The following GTPBP2 variants were observed in gnomAD, a reference collection of about 807,000 sequenced individuals.
GTPBP2 encodes GTP binding protein 2, also known as GTP-binding protein 2.
GTPBP2 carries 32 observed loss-of-function variants against 63.0 expected under a neutral mutation model. The ratio of observed to expected loss-of-function variants is 0.51; its 90% CI spans 0.38 to 0.68. GTPBP2 has a LOEUF of 0.68. GTPBP2 is among the 30% of genes least tolerant of loss of function. The probability of loss-of-function intolerance (pLI) is 0.00; values close to 1 mark genes in which losing one functional copy is unlikely to be tolerated. For missense variants in GTPBP2, 492 were observed against 796.9 expected, an observed-to-expected ratio of 0.62 and a Z score of 4.61; for synonymous variants, 310 against 322.6, an observed-to-expected ratio of 0.96 and a Z score of 0.42.
Position 43,621,698 on chromosome 6 carries a change from C to T in GTPBP2, c.1725G>A (p.Arg575=). ...YLKVGAKLLF[R]EGVTKGIGHV... ...GGCCGATGCCCTTGGTGACACCCTC[C>T]CGGAACAGCAGTTTGGCGCCCACCT... The change falls in exon 12 of 12, where the codon CGG becomes CGA. Residue 575 remains arginine (R), a synonymous_variant. Transcript: ENST00000307126. 1 of 1,614,216 alleles carries T rather than the reference C, an allele frequency of 6.2e-7. No homozygotes were observed. Among genetic ancestry groups the T allele is most frequent in the Non-Finnish European group, 8.5e-7 (1 of 1,180,044 alleles).
chr6:43,621,886 T>A (rs754645630), intron 11 of GTPBP2, 96 bp from the exon 12 acceptor site: 6 of 1,602,326 alleles, frequency 3.7e-6, no homozygotes, highest in Non-Finnish European at 2.6e-6. Flanking sequence ...ATCAGGCCGC[T>A]ACCCACCCTA....
rs1209278244 is a variant in GTPBP2, at chr6:43,624,633, A to C, written c.977T>G (p.Val326Gly). The change falls in exon 7 of 12, where the codon GTG (valine) becomes GGG (glycine). Residue 326 changes from valine (V) to glycine (G), a missense_variant. This residue lies in a region of GTPBP2 where 400 missense variants were observed against 710.8 expected (regional missense o/e 0.56). Transcript: ENST00000307126. This position sits in a 1 kb window ranked among gnomAD's most constrained non-coding sequence, Gnocchi z 5.1. ...SKIDLCAKTT[V>G]ERTVRQLERV... ...CTCCAGCTGGCGTACTGTCCTCTCC[A>C]CTGTGGTCTTGGCACATAGGTCGAT... is the stretch of plus-strand genomic sequence containing the variant. The C allele has an allele frequency of 8.7e-6, 14 of 1,614,076 alleles. No individual in the cohort carries two copies. The highest frequency in any genetic ancestry group is 1.3e-5 in the African/African-American group (1 of 75,026).
In GTPBP2 at chr6:43,624,756, G is replaced by A; in HGVS notation, c.881-27C>T. Reference sequence around the variant, plus strand: ...TGCCTCATAAGGACAGCAAGCAGCAGGAGAGAAGAGTGAGAATGCAGGAGG... The same window carrying A: ...TGCCTCATAAGGACAGCAAGCAGCAAGAGAGAAGAGTGAGAATGCAGGAGG... On this transcript the variant is annotated intron_variant, in intron 6 of 11. Coordinates refer to ENST00000307126, the MANE Select transcript of GTPBP2 (RefSeq NM_019096.5). The surrounding 1 kb of genome is among the most constrained non-coding windows in gnomAD (Gnocchi z 5.1). 5 of 1,605,772 alleles carry A rather than the reference G, an allele frequency of 3.1e-6. No individual in the cohort carries two copies. The highest frequency in any genetic ancestry group is 4.3e-6 in the Non-Finnish European group (5 of 1,173,066).
Position 43,622,620 on chromosome 6 carries a change from GC to G in GTPBP2, c.1467+12del, listed in dbSNP as rs1250759693. The G allele has an allele frequency of 6.2e-7, 1 of 1,604,990 alleles. No homozygotes were observed. Among genetic ancestry groups the G allele is most frequent in the Admixed American group, 1.7e-5 (1 of 59,800 alleles). ...TCTTAGCGTTCCCTCCCCAACCCAT[GC>G]ACCCACCTCACCTTGCGAAGCAGTG... On this transcript the variant is annotated intron_variant, in intron 10 of 11. Coordinates refer to ENST00000307126, the MANE Select transcript of GTPBP2 (RefSeq NM_019096.5). This position sits in a 1 kb window ranked among gnomAD's most constrained non-coding sequence, Gnocchi z 5.4.
chr6:43,626,978 C>T lies in GTPBP2; in HGVS notation c.187-30G>A. 1 of 1,597,342 alleles carries T rather than the reference C, an allele frequency of 6.3e-7. No homozygotes were observed. Among genetic ancestry groups the T allele is most frequent in the Non-Finnish European group, 8.6e-7 (1 of 1,166,004 alleles). On this transcript the variant is annotated intron_variant, in intron 1 of 11. Coordinates refer to ENST00000307126, the MANE Select transcript of GTPBP2 (RefSeq NM_019096.5). This position sits in a 1 kb window ranked among gnomAD's most constrained non-coding sequence, Gnocchi z 4.0. The stretch of plus-strand genomic sequence containing the variant: ...AAAGAAACAGTGAGCAGTTACCATA[C>T]ACTGTACAGACCCAATCCCTACTTC...
upstream of GTPBP2, chr6:43,629,652 G>A: frequency 1.5e-6 from 2 of 1,324,436 alleles, no homozygotes; most frequent in Admixed American, 3.9e-5. Flanking sequence ...CTTTAGCGCG[G>A]ATCCTAGACA....
intron 9 of GTPBP2, 39 bp downstream of exon 9, chr6:43,623,697 TG>T (rs746682534): frequency 1.4e-6 from 2 of 1,476,854 alleles, no homozygotes; most frequent in Non-Finnish European, 1.9e-6. Flanking sequence ...AGTATATAGG[TG>T]AGGGCTGAGT....
upstream of GTPBP2, among the ~76,000 whole-genome samples, chr6:43,630,741 TAAAAAA>T (rs200805129): frequency 8.4e-6 from 1 of 118,974 alleles, no homozygotes. Context: ...AGACTCCAAC[TAAAAAA>T]AAAAAAAAAA....
rs1769099265 is a variant in GTPBP2 at position 43,624,261 on chromosome 6, AG to A, written c.1101-194del. Among the ~76,000 whole-genome samples, 1 of 152,232 alleles carries A rather than the reference AG, an allele frequency of 6.6e-6. No individual in the cohort carries two copies. Among genetic ancestry groups the A allele is most frequent in the Non-Finnish European group, 1.5e-5 (1 of 68,038 alleles). On this transcript the variant is annotated intron_variant, in intron 7 of 11. Transcript: ENST00000307126. The surrounding 1 kb of genome is among the most constrained non-coding windows in gnomAD (Gnocchi z 5.1). ...CACACAAAAAGCCCATCCGAGCCCA[AG>A]GGAAACAGCAAATGCCTGGTATAGC...
rs1582347850 is a variant in GTPBP2, at chr6:43,624,955, G to A, written c.813C>T (p.Thr271=). The change falls in exon 6 of 12, where the codon ACC becomes ACT. Residue 271 remains threonine (T), a synonymous_variant. Transcript: ENST00000307126. This position sits in a 1 kb window ranked among gnomAD's most constrained non-coding sequence, Gnocchi z 5.1. ...LAGHHKYLHT[T]IFGLTSYCPD... Reference sequence around the variant, plus strand: ...GGCAGTATGATGTGAGGCCAAAGATGGTGGTGTGTAGGTACTTATGGTGGC... The same window carrying A: ...GGCAGTATGATGTGAGGCCAAAGATAGTGGTGTGTAGGTACTTATGGTGGC... 8 of 1,613,974 alleles carry A rather than the reference G, an allele frequency of 5.0e-6. No individual in the cohort carries two copies. The highest frequency in any genetic ancestry group is 6.8e-6 in the Non-Finnish European group (8 of 1,179,978).
At position 43,621,306 on chromosome 6, in the gene GTPBP2, A is replaced by C. The variant is rs1171990439; in HGVS notation, c.*308T>G. Reference sequence around the variant, plus strand: ...TGCCCAGTCTTAGTAGTGGGGACGAAGAATTGATGAGTGGATCCAGTCAGC... The same window carrying C: ...TGCCCAGTCTTAGTAGTGGGGACGACGAATTGATGAGTGGATCCAGTCAGC... On this transcript the variant is annotated 3_prime_UTR_variant, in exon 12 of 12. Coordinates refer to ENST00000307126, the MANE Select transcript of GTPBP2 (RefSeq NM_019096.5). 2.5e-6 allele frequency: 2 copies of C among 804,700 alleles called. No homozygotes were observed. Among genetic ancestry groups the C allele is most frequent in the East Asian group, 4.2e-5 (1 of 24,062 alleles). 49.8% of individuals were successfully genotyped at this position (804,700 alleles called of 1,614,324 possible). A position where few individuals can be genotyped will look rare whatever the true frequency, so the allele number is the denominator to read the frequency against.
Position 43,622,771 on chromosome 6 carries a change from CACCA to C in GTPBP2, c.1325_1328del (p.Val442GlyfsTer12). On this transcript the variant is annotated frameshift_variant, in exon 10 of 12. Transcript: ENST00000307126. LOFTEE classifies it high-confidence loss of function. The surrounding 1 kb of genome is among the most constrained non-coding windows in gnomAD (Gnocchi z 5.4). ...GGAAGCAGCCATCATCCGTGGGGCC[CACCA>C]CCAGCTGGTCCCCCTCACGGCAAAT... The C allele has an allele frequency of 6.2e-7, 1 of 1,614,052 alleles. No individual in the cohort carries two copies. Among genetic ancestry groups the C allele is most frequent in the Non-Finnish European group, 8.5e-7 (1 of 1,179,926 alleles).
chr6:43,627,450 G>C, intron 1 of GTPBP2: 1 of 421,032 alleles, frequency 2.4e-6, no homozygotes. Flanking sequence ...GCTCAGCAAT[G>C]GTCACTACAA....
chr6:43,626,446 AG>A lies in GTPBP2; in HGVS notation c.214-37del. The A allele has an allele frequency of 6.3e-7, 1 of 1,578,872 alleles. No individual in the cohort carries two copies. Among genetic ancestry groups the A allele is most frequent in the Non-Finnish European group, 8.7e-7 (1 of 1,149,538 alleles). Reference sequence around the variant, plus strand: ...GTGGGGTATCATAAGGTGAAATCAGAGGTGTTCCTCCCAAACCTACATGGTC... The same window carrying A: ...GTGGGGTATCATAAGGTGAAATCAGAGTGTTCCTCCCAAACCTACATGGTC... On this transcript the variant is annotated intron_variant, in intron 2 of 11. Transcript: ENST00000307126. The surrounding 1 kb of genome is among the most constrained non-coding windows in gnomAD (Gnocchi z 4.0).
Position 43,622,687 on chromosome 6 carries a change from A to G in GTPBP2, c.1413T>C (p.Ala471=), listed in dbSNP as rs898798034. The change falls in exon 10 of 12, where the codon GCT becomes GCC. Residue 471 remains alanine, a synonymous_variant. Coordinates refer to ENST00000307126, the MANE Select transcript of GTPBP2 (RefSeq NM_019096.5). This position sits in a 1 kb window ranked among gnomAD's most constrained non-coding sequence, Gnocchi z 5.4. The stretch of plus-strand genomic sequence containing the variant: ...CAAGCGCCAGTGTAGCAGCCTGACC[A>G]GCTCGCAGCACACGACAGGCAGAGC... ...RNRSACRVLR[A]GQAATLALGD... 11 of 1,614,018 alleles carry G rather than the reference A, an allele frequency of 6.8e-6. No homozygotes were observed. The highest frequency in any genetic ancestry group is 8.5e-6 in the Non-Finnish European group (10 of 1,179,990).
Position 43,624,482 on chromosome 6 carries a change from T to C in GTPBP2, c.1100+28A>G. On this transcript the variant is annotated intron_variant, in intron 7 of 11. Transcript: ENST00000307126. The surrounding 1 kb of genome is among the most constrained non-coding windows in gnomAD (Gnocchi z 5.1). ...GCTCTGTGGCAGCCTTCCTAGTGGA[T>C]CAGGGCTTTAGAGTAAGGTGGGCTT... 6.5e-7 allele frequency: 1 copy of C among 1,537,670 alleles called. No individual in the cohort carries two copies. Among genetic ancestry groups the C allele is most frequent in the Non-Finnish European group, 9.0e-7 (1 of 1,115,670 alleles).
rs1342622223 is a variant in GTPBP2 at position 43,622,814 on chromosome 6, A to G, written c.1296-10T>C. ...CTCACGGCAAATCCCACTGCAGCCC[A>G]GAGGGCAGGTGGCACAGTGTCAGCC... On this transcript the variant is annotated splice_polypyrimidine_tract_variant and intron_variant, in intron 9 of 11. Transcript: ENST00000307126. This position sits in a 1 kb window ranked among gnomAD's most constrained non-coding sequence, Gnocchi z 5.4. 1.2e-5 allele frequency: 19 copies of G among 1,607,786 alleles called. No homozygotes were observed. Among genetic ancestry groups the G allele is most frequent in the Non-Finnish European group, 1.5e-5 (18 of 1,176,028 alleles).
chr6:43,625,322 C>T lies in GTPBP2; in HGVS notation c.705+41G>A, dbSNP rs756568462. 1.3e-6 allele frequency: 2 copies of T among 1,574,270 alleles called. No individual in the cohort carries two copies. Among genetic ancestry groups the T allele is most frequent in the East Asian group, 2.2e-5 (1 of 44,700 alleles). ...TGTCCTTCACTACTACCATCCCATC[C>T]TCAGAGTCTGGCCCCATTGGGTCCC... On this transcript the variant is annotated intron_variant, in intron 5 of 11. Transcript: ENST00000307126. This position sits in a 1 kb window ranked among gnomAD's most constrained non-coding sequence, Gnocchi z 5.1.
rs556124309 is a variant in GTPBP2, at chr6:43,625,181, A to T, written c.706-119T>A. Reference sequence around the variant, plus strand: ...CCTCTTAATCTTGACCCCATTTTTTATTTAATTTAGTTGATTCCCCATTGA... The same window carrying T: ...CCTCTTAATCTTGACCCCATTTTTTTTTTAATTTAGTTGATTCCCCATTGA... On this transcript the variant is annotated intron_variant, in intron 5 of 11. Coordinates refer to ENST00000307126, the MANE Select transcript of GTPBP2 (RefSeq NM_019096.5). This position sits in a 1 kb window ranked among gnomAD's most constrained non-coding sequence, Gnocchi z 5.1. The T allele has an allele frequency of 2.4e-5, 27 of 1,105,982 alleles. No homozygotes were observed. Among genetic ancestry groups the T allele is most frequent in the Middle Eastern group, 4.1e-4 (2 of 4,824 alleles). 68.5% of individuals were successfully genotyped at this position (1,105,982 alleles called of 1,614,324 possible).
Sources: allele counts gnomAD v4.1 joint callset (sites outside exome capture counted in the v4.1 genomes callset), GRCh38; gene constraint gnomAD v4.1.1; regional missense constraint gnomAD v4.1.1; non-coding constraint Gnocchi (gnomAD v3.1); transcripts MANE v1.5; gene names NCBI Gene and HGNC (gene_info 2026-07-23, HGNC 2026-07-21).